The following RIMS2 variants were observed in gnomAD, a reference collection of about 807,000 sequenced individuals.
RIMS2 encodes regulating synaptic membrane exocytosis 2.
Under a neutral mutation model 174.4 loss-of-function variants are expected in RIMS2, and 59 were observed. The observed-to-expected ratio is 0.34, with a 90% CI of 0.27 to 0.42. The LOEUF (loss-of-function observed/expected upper bound fraction) is 0.42. Among genes scored for constraint, RIMS2 ranks in the 10% least tolerant of loss-of-function variants. The pLI is 1.00. For synonymous variants in RIMS2, 606 were observed against 572.5 expected (o/e 1.06, Z -0.84); for missense variants, 1,620 against 1,666.3 (o/e 0.97, Z 0.48).
At chr8:104,083,068 TG>T (rs928777066) in intron 19 of RIMS2, among the ~76,000 whole-genome samples, 3 of 152,194 alleles carry the variant, frequency 2.0e-5, no homozygotes, top group Admixed American at 1.3e-4. Flanking sequence ...GCCCAGTTGA[TG>T]CTTCTCTGTC....
intron 1 of RIMS2, among the ~76,000 whole-genome samples, chr8:103,546,800 C>G (rs1845331327): frequency 6.6e-6 from 1 of 152,158 alleles, no homozygotes; most frequent in Non-Finnish European, 1.5e-5. Flanking sequence ...TCCCTGACTC[C>G]CAGCCCCACG....
intron 1 of RIMS2, among the ~76,000 whole-genome samples, chr8:103,528,588 T>C (rs111452986): frequency 0.06 from 9,113 of 152,208 alleles, 905 homozygotes; most frequent in African/African-American, 0.2. Flanking sequence ...AGGAAGGGAT[T>C]CAGTTTCAGC....
At chr8:103,553,167 T>C (rs1848831293) in intron 1 of RIMS2, among the ~76,000 whole-genome samples, 1 of 152,092 alleles carries the variant, frequency 6.6e-6, no homozygotes, top group African/African-American at 2.4e-5. Context: ...TGTGGCACTA[T>C]TTACAATAGC....
At chr8:103,751,645 G>C (rs1273820523) in intron 2 of RIMS2, among the ~76,000 whole-genome samples, 2 of 151,330 alleles carry the variant, frequency 1.3e-5, no homozygotes, top group Non-Finnish European at 2.9e-5. Flanking sequence ...CATTCTAACT[G>C]GTGTGAGATG....
At chr8:103,838,177 C>A (rs561042161) in intron 3 of RIMS2, among the ~76,000 whole-genome samples, 18 of 152,220 alleles carry the variant, frequency 1.2e-4, no homozygotes, top group Admixed American at 7.2e-4. Flanking sequence ...AACTGCTGAG[C>A]TCAAGAGATC....
At chr8:103,702,978 T>G (rs2097183982) in intron 2 of RIMS2, among the ~76,000 whole-genome samples, 1 of 142,390 alleles carries the variant, frequency 7.0e-6, no homozygotes, top group African/African-American at 2.6e-5. Flanking sequence ...GGTGTTTTTG[T>G]GAGTTTGTTT....
At chr8:104,035,831 T>C (rs889474700) in intron 19 of RIMS2, among the ~76,000 whole-genome samples, 2 of 152,122 alleles carry the variant, frequency 1.3e-5, no homozygotes, top group African/African-American at 4.8e-5. Context: ...TGAATTGTTG[T>C]AAAATAAACA....
intron 1 of RIMS2, among the ~76,000 whole-genome samples, chr8:103,543,671 G>C (rs183802268): frequency 1.3e-5 from 2 of 152,308 alleles, no homozygotes; most frequent in African/African-American, 4.8e-5. Context: ...GAACAGAATA[G>C]AGAGTCCAGA....
chr8:104,000,216 T>G (rs2095323957), intron 17 of RIMS2, among the ~76,000 whole-genome samples: 1 of 151,618 alleles, frequency 6.6e-6, no homozygotes, highest in Non-Finnish European at 1.5e-5. Context: ...TCTACTATCC[T>G]TCCCAGTCTT....
intron 2 of RIMS2, among the ~76,000 whole-genome samples, chr8:103,729,080 TA>T (rs976126162): frequency 1.3e-5 from 2 of 152,120 alleles, no homozygotes; most frequent in African/African-American, 4.8e-5. Context: ...ATCAGGGTCA[TA>T]ATGGCCTCAT....
rs536634250 is a variant in RIMS2, at chr8:104,134,329, G to A, written c.3335-110587G>A. Among the ~76,000 whole-genome samples the A allele has an allele frequency of 8.5e-4, 130 of 152,230 alleles. 1 individual carries two copies. The highest frequency in any genetic ancestry group is 1.4e-3 in the Non-Finnish European group (95 of 68,018). ...AAAATACAAAAATTAGCCGAGCATGGTGTTGAGCGCCTACAATCCCAGCTA... is the reference window on the plus strand; with the variant it reads ...AAAATACAAAAATTAGCCGAGCATGATGTTGAGCGCCTACAATCCCAGCTA... On this transcript the variant is annotated intron_variant, in intron 19 of 23. Coordinates refer to ENST00000504942, the Ensembl canonical transcript of RIMS2.
At chr8:103,577,825 T>C in intron 1 of RIMS2, among the ~76,000 whole-genome samples, 1 of 152,146 alleles carries the variant, frequency 6.6e-6, no homozygotes, top group Non-Finnish European at 1.5e-5. Context: ...ACAAACTCAT[T>C]AGAGGCTCTC....
intron 3 of RIMS2, among the ~76,000 whole-genome samples, chr8:103,865,522 T>A (rs1594128589): frequency 6.6e-6 from 1 of 152,080 alleles, no homozygotes; most frequent in South Asian, 2.1e-4. Context: ...TGACCTCAGA[T>A]GATCTGTCCA....
chr8:103,909,029 T>G (rs192488297), intron 4 of RIMS2, among the ~76,000 whole-genome samples: 108 of 152,278 alleles, frequency 7.1e-4, no homozygotes, highest in Non-Finnish European at 1.4e-3. Flanking sequence ...ATGTCACATC[T>G]TTCAGTTCTC....
At chr8:104,225,415 C>A (rs1011679899) in intron 19 of RIMS2, among the ~76,000 whole-genome samples, 1 of 152,096 alleles carries the variant, frequency 6.6e-6, no homozygotes, top group South Asian at 2.1e-4. Flanking sequence ...TAGAATTTAA[C>A]CACTTGTGCC....
intron 3 of RIMS2, among the ~76,000 whole-genome samples, chr8:103,798,137 CAA>C (rs1417563033): frequency 2.6e-5 from 4 of 151,954 alleles, no homozygotes; most frequent in African/African-American, 9.7e-5. Flanking sequence ...TGGAGAAATA[CAA>C]AGACAGTAGA....
At chr8:103,620,952 T>C (rs2095619994) in intron 1 of RIMS2, among the ~76,000 whole-genome samples, 1 of 152,200 alleles carries the variant, frequency 6.6e-6, no homozygotes, top group Non-Finnish European at 1.5e-5. Context: ...CACTGCATAC[T>C]TTTTGTAACT....
At chr8:103,902,669 A>G (rs13258713) in intron 4 of RIMS2, among the ~76,000 whole-genome samples, 27,726 of 152,162 alleles carry the variant, frequency 0.18, 3,048 homozygotes, top group South Asian at 0.32. Context: ...ATGAGAGGAA[A>G]TGACCCTCCA....
At chr8:103,533,729 G>T (rs1838495528) in intron 1 of RIMS2, among the ~76,000 whole-genome samples, 1 of 147,650 alleles carries the variant, frequency 6.8e-6, no homozygotes, top group African/African-American at 2.5e-5. Flanking sequence ...GTATGGAGTA[G>T]AAAAAGTCTT....
Sources: allele counts gnomAD v4.1 joint callset (sites outside exome capture counted in the v4.1 genomes callset), GRCh38; gene constraint gnomAD v4.1.1; transcripts MANE v1.5; gene names NCBI Gene and HGNC (gene_info 2026-07-23, HGNC 2026-07-21).